Variants in GALNT7 observed in about 807,000 individuals in gnomAD.
GALNT7 encodes the protein polypeptide N-acetylgalactosaminyltransferase 7, also known as N-acetylgalactosaminyltransferase 7.
A neutral mutation model predicts 82.1 loss-of-function variants in GALNT7; 60 were observed. The ratio of observed to expected loss-of-function variants is 0.73; its 90% CI spans 0.59 to 0.91. The LOEUF (loss-of-function observed/expected upper bound fraction) is 0.91. Among genes scored for constraint, GALNT7 ranks in the 40% least tolerant of loss-of-function variants. GALNT7 has a pLI of 0.00. For synonymous variants in GALNT7, 243 were observed against 275.1 expected, an observed-to-expected ratio of 0.88 and a Z score of 1.15; for missense variants, 660 against 804.2, an observed-to-expected ratio of 0.82 and a Z score of 2.17.
intron 1 of GALNT7, among the ~76,000 whole-genome samples, chr4:173,170,437 T>C (rs1370080013): frequency 6.6e-6 from 1 of 152,252 alleles, no homozygotes; most frequent in South Asian, 2.1e-4. Flanking sequence ...TTATCAGCTC[T>C]TCGCCTATAT....
chr4:173,295,311 C>G, intron 3 of GALNT7, 85 bp from the exon 4 acceptor site: 1 of 908,940 alleles, frequency 1.1e-6, no homozygotes, highest in Middle Eastern at 2.5e-4. Context: ...ACCCAATGCA[C>G]CTGTATTCTT....
chr4:173,314,754 T>A (rs1049204231), intron 9 of GALNT7, among the ~76,000 whole-genome samples: 8 of 152,228 alleles, frequency 5.3e-5, no homozygotes, highest in Non-Finnish European at 1.2e-4. Context: ...TCAGACATTG[T>A]CATTTCTTTG....
chr4:173,174,012 G>A (rs897524842), intron 1 of GALNT7, among the ~76,000 whole-genome samples: 1 of 152,128 alleles, frequency 6.6e-6, no homozygotes, highest in Non-Finnish European at 1.5e-5. Context: ...TCAAATGGAA[G>A]CTCTGTTTAT....
At chr4:173,272,959 A>G (rs189279641) in intron 2 of GALNT7, among the ~76,000 whole-genome samples, 1 of 152,214 alleles carries the variant, frequency 6.6e-6, no homozygotes, top group Non-Finnish European at 1.5e-5. Flanking sequence ...ATTACTATCA[A>G]TGTTTAAGAC....
chr4:173,223,037 A>G (rs1173618699), intron 1 of GALNT7, among the ~76,000 whole-genome samples: 1 of 152,182 alleles, frequency 6.6e-6, no homozygotes, highest in Non-Finnish European at 1.5e-5. Context: ...ATTTCATCCT[A>G]GCCTCAGCAC....
At chr4:173,225,808 T>C (rs1733807435) in intron 1 of GALNT7, among the ~76,000 whole-genome samples, 1 of 152,220 alleles carries the variant, frequency 6.6e-6, no homozygotes, top group Admixed American at 6.5e-5. Context: ...TCTAACAGAA[T>C]TGATCTCTGG....
intron 1 of GALNT7, among the ~76,000 whole-genome samples, chr4:173,172,932 T>C (rs1731922246): frequency 6.6e-6 from 1 of 152,134 alleles, no homozygotes; most frequent in African/African-American, 2.4e-5. Flanking sequence ...ATTTGTGTTT[T>C]GAAAAGATCA....
At chr4:173,317,505 CTG>C (rs1402470330) in intron 9 of GALNT7, 127 bp from the exon 10 acceptor site, 2 of 629,922 alleles carry the variant, frequency 3.2e-6, no homozygotes, top group African/African-American at 3.7e-5. Context: ...CAGTAATAAC[CTG>C]TCACTACACA....
chr4:173,248,744 A>C (rs1316733802), intron 2 of GALNT7, among the ~76,000 whole-genome samples: 1 of 152,186 alleles, frequency 6.6e-6, no homozygotes, highest in Non-Finnish European at 1.5e-5. Context: ...ATGAGCTTGC[A>C]CCAGGATGTA....
chr4:173,173,586 T>C (rs1010043351), intron 1 of GALNT7, among the ~76,000 whole-genome samples: 18 of 152,114 alleles, frequency 1.2e-4, no homozygotes, highest in Non-Finnish European at 2.4e-4. Context: ...CCGCCTCAGA[T>C]CATTAGGTAT....
Position 173,275,335 on chromosome 4 carries a change from G to T in GALNT7, c.588-16773G>T, listed in dbSNP as rs79132178. On this transcript the variant is annotated intron_variant, in intron 2 of 11. Transcript: ENST00000265000. ...CTAACCGTACCGTTACTGTGTTTGA[G>T]GATCACTGGCAGCCGAGCTCTGAGT... Among the ~76,000 whole-genome samples, 558 of 152,318 alleles carry T rather than the reference G, an allele frequency of 3.7e-3. 4 individuals are homozygous for T. Among genetic ancestry groups the T allele is most frequent in the African/African-American group, 0.013 (536 of 41,562 alleles).
Position 173,314,154 on chromosome 4 carries a change from C to G in GALNT7, c.1586C>G (p.Pro529Arg), listed in dbSNP as rs774616056. The G allele has an allele frequency of 6.2e-7, 1 of 1,610,480 alleles. No individual in the cohort carries two copies. The highest frequency in any genetic ancestry group is 8.5e-7 in the Non-Finnish European group (1 of 1,176,792). The change falls in exon 9 of 12, where the codon CCC becomes CGC. Residue 529 changes from proline (P) to arginine (R), a missense_variant. This residue lies in a region of GALNT7 where 527 missense variants were observed against 683.5 expected (regional missense o/e 0.77). Transcript: ENST00000265000. ...YDITSHYPLP[P>R]KNVDWGEIRG... The stretch of plus-strand genomic sequence containing the variant: ...ATCACCTCACACTACCCTTTGCCAC[C>G]CAAAAATGTTGACTGGGGAGAAGTA...
intron 2 of GALNT7, among the ~76,000 whole-genome samples, chr4:173,276,214 G>T (rs1735905500): frequency 6.6e-6 from 1 of 152,156 alleles, no homozygotes; most frequent in Non-Finnish European, 1.5e-5. Flanking sequence ...AAAATTTTTG[G>T]AATCAAATCA....
At position 173,198,308 on chromosome 4, in the gene GALNT7, T is replaced by C. The variant is rs558549461; in HGVS notation, c.126+29347T>C. ...TAGTCTCGATCTCCTGACCTCATGA[T>C]CCGCCTGCCTCGGTCTCCCAAGGTG... On this transcript the variant is annotated intron_variant, in intron 1 of 11. Coordinates refer to ENST00000265000, the MANE Select transcript of GALNT7 (RefSeq NM_017423.3). 1.4e-4 allele frequency among the ~76,000 whole-genome samples: 21 copies of C among 151,836 alleles called. 1 individual carries two copies. The South Asian group carries it at 4.4e-3, about 32-fold the overall frequency.
intron 2 of GALNT7, among the ~76,000 whole-genome samples, chr4:173,269,239 C>G (rs1735628784): frequency 6.6e-6 from 1 of 151,964 alleles, no homozygotes. Flanking sequence ...ATGTGAAGAC[C>G]AAAAAGCATC....
intron 1 of GALNT7, among the ~76,000 whole-genome samples, chr4:173,246,093 C>T (rs1157876204): frequency 1.3e-5 from 2 of 152,192 alleles, no homozygotes; most frequent in African/African-American, 4.8e-5. Context: ...CTGTCTAACT[C>T]AACTTTCCAG....
chr4:173,232,000 G>GAT (rs1282862565), intron 1 of GALNT7, among the ~76,000 whole-genome samples: 1 of 152,124 alleles, frequency 6.6e-6, no homozygotes, highest in Non-Finnish European at 1.5e-5. Flanking sequence ...AAATATCACT[G>GAT]GAACTAGAGC....
At chr4:173,184,892 A>C (rs1732419619) in intron 1 of GALNT7, among the ~76,000 whole-genome samples, 1 of 152,204 alleles carries the variant, frequency 6.6e-6, no homozygotes, top group Non-Finnish European at 1.5e-5. Flanking sequence ...CCACAGTTTT[A>C]CATGATAACC....
At chr4:173,228,760 A>G (rs930820982) in intron 1 of GALNT7, among the ~76,000 whole-genome samples, 1 of 152,198 alleles carries the variant, frequency 6.6e-6, no homozygotes. Context: ...TTGTGACCCT[A>G]AAAAGGTTAA....
Sources: gnomAD v4.1 joint callset for allele counts (sites outside exome capture counted in the v4.1 genomes callset) on GRCh38, gnomAD v4.1.1 for gene constraint, gnomAD v4.1.1 regional missense constraint, MANE v1.5 for transcripts, NCBI Gene and HGNC (gene_info 2026-07-23, HGNC 2026-07-21) for gene names.